Variants in FANCL observed in about 807,000 individuals in gnomAD.
FANCL encodes the protein E3 ubiquitin-protein ligase FANCL.
Under a neutral mutation model 59.4 loss-of-function variants are expected in FANCL, and 69 were observed. The observed-to-expected ratio is 1.16, with a 90% confidence interval of 0.96 to 1.42. FANCL has a LOEUF of 1.42. Among genes scored for constraint, FANCL ranks in the 40% most tolerant of loss-of-function variants. The pLI is 0.00. For synonymous variants in FANCL, 180 were observed against 147.1 expected, an observed-to-expected ratio of 1.22 and a Z score of -1.62; for missense variants, 519 against 447.2, an observed-to-expected ratio of 1.16 and a Z score of -1.45.
At chr2:58,239,476 CTG>C (rs1694316849) in intron 1 of FANCL, among the ~76,000 whole-genome samples, 1 of 152,164 alleles carries the variant, frequency 6.6e-6, no homozygotes, top group South Asian at 2.1e-4. Context: ...CACAAACAGA[CTG>C]AGAATTGTTC....
At chr2:58,237,175 C>T (rs954315190) in intron 1 of FANCL, among the ~76,000 whole-genome samples, 1 of 152,196 alleles carries the variant, frequency 6.6e-6, no homozygotes, top group Admixed American at 6.5e-5. Flanking sequence ...TAGTCATTCT[C>T]TTAGAGTACA....
chr2:58,225,955 G>A (rs1462318786), intron 4 of FANCL, among the ~76,000 whole-genome samples: 6 of 151,942 alleles, frequency 3.9e-5, no homozygotes, highest in African/African-American at 1.2e-4. Flanking sequence ...AAACAAAGCA[G>A]CTATAAGAAA....
chr2:58,161,504 A>T lies in FANCL; in HGVS notation c.1020+18T>A, dbSNP rs764629926. ...TGTGTTAGCGGAAAAAAGTCTTGACAATATTTTTATTTTTTACCTCATATA... is the reference window on the plus strand; with the variant it reads ...TGTGTTAGCGGAAAAAAGTCTTGACTATATTTTTATTTTTTACCTCATATA... On this transcript the variant is annotated intron_variant, in intron 12 of 13. Coordinates refer to ENST00000233741, the MANE Select transcript of FANCL (RefSeq NM_018062.4). 2 of 1,479,370 alleles carry T rather than the reference A, an allele frequency of 1.4e-6. No individual in the cohort carries two copies. The highest frequency in any genetic ancestry group is 2.8e-5 in the African/African-American group (2 of 71,778). 91.6% of individuals were successfully genotyped at this position (1,479,370 alleles called of 1,614,324 possible).
rs772235676 is a variant in FANCL, at chr2:58,169,207, G to T, written c.541-3333C>A. On this transcript the variant is annotated intron_variant, in intron 7 of 13. Coordinates refer to ENST00000233741, the MANE Select transcript of FANCL (RefSeq NM_018062.4). The stretch of plus-strand genomic sequence containing the variant: ...TCTGGGACGAAGCTTCCAGAGAAAG[G>T]AACAGGCAGCAAAATCTTTGCTGTT... Among the ~76,000 whole-genome samples the T allele has an allele frequency of 1.3e-3, 199 of 152,250 alleles. 1 individual carries two copies. Among genetic ancestry groups the T allele is most frequent in the Middle Eastern group, 3.4e-3 (1 of 294 alleles).
At chr2:58,212,379 A>C (rs1361202517) in intron 5 of FANCL, among the ~76,000 whole-genome samples, 1 of 152,160 alleles carries the variant, frequency 6.6e-6, no homozygotes, top group African/African-American at 2.4e-5. Flanking sequence ...AACACATGGG[A>C]ATTGTGGGAG....
At chr2:58,205,447 A>C (rs958845343) in intron 5 of FANCL, among the ~76,000 whole-genome samples, 12 of 151,876 alleles carry the variant, frequency 7.9e-5, no homozygotes, top group African/African-American at 2.9e-4. Context: ...CTTCACCTCC[A>C]AAAAAAATTA....
chr2:58,201,516 C>A (rs1690023017), intron 6 of FANCL, among the ~76,000 whole-genome samples: 1 of 151,912 alleles, frequency 6.6e-6, no homozygotes, highest in African/African-American at 2.4e-5. Context: ...GGCTGATCCC[C>A]AAGTAAATAC....
chr2:58,227,931 G>GA (rs368922000), intron 3 of FANCL, among the ~76,000 whole-genome samples: 3 of 150,202 alleles, frequency 2.0e-5, no homozygotes, highest in East Asian at 1.9e-4. Flanking sequence ...AGGAGGAAGA[G>GA]AAAAAAAAAG....
At chr2:58,225,883 T>C (rs868244301) in intron 4 of FANCL, among the ~76,000 whole-genome samples, 1 of 152,088 alleles carries the variant, frequency 6.6e-6, no homozygotes, top group East Asian at 1.9e-4. Context: ...ATAAGTCTTA[T>C]ATAAGGCTTA....
intron 7 of FANCL, among the ~76,000 whole-genome samples, chr2:58,168,879 T>G (rs1447830076): frequency 6.6e-6 from 1 of 152,128 alleles, no homozygotes; most frequent in Non-Finnish European, 1.5e-5. Context: ...AAAGCCTCTG[T>G]AGCCAGACTG....
intron 4 of FANCL, among the ~76,000 whole-genome samples, chr2:58,225,789 A>C (rs1009224155): frequency 4.6e-5 from 7 of 152,036 alleles, no homozygotes; most frequent in Non-Finnish European, 7.4e-5. Flanking sequence ...TAGGACACCT[A>C]ATTTGTTTTA....
intron 1 of FANCL, among the ~76,000 whole-genome samples, chr2:58,233,759 T>A (rs1693780586): frequency 6.6e-6 from 1 of 151,696 alleles, no homozygotes; most frequent in Non-Finnish European, 1.5e-5. Context: ...AGTAACAAGC[T>A]CTGGTAAATC....
intron 6 of FANCL, among the ~76,000 whole-genome samples, chr2:58,201,353 C>T (rs1186132039): frequency 6.6e-6 from 1 of 151,374 alleles, no homozygotes; most frequent in Admixed American, 6.6e-5. Context: ...ATCTCATTTG[C>T]AGAAAATCAA....
chr2:58,194,062 A>C (rs2105065669), intron 7 of FANCL, among the ~76,000 whole-genome samples: 1 of 152,264 alleles, frequency 6.6e-6, no homozygotes, highest in African/African-American at 2.4e-5. Context: ...CAGAGGCTTT[A>C]TCATTAGTTT....
intron 5 of FANCL, among the ~76,000 whole-genome samples, chr2:58,210,465 C>T (rs1691028311): frequency 6.6e-6 from 1 of 152,174 alleles, no homozygotes; most frequent in South Asian, 2.1e-4. Flanking sequence ...CAAGATGAGA[C>T]TTGGGTAGGG....
intron 5 of FANCL, among the ~76,000 whole-genome samples, chr2:58,220,660 T>A (rs926451006): frequency 2.6e-5 from 4 of 152,224 alleles, no homozygotes; most frequent in Non-Finnish European, 5.9e-5. Flanking sequence ...ACTTAAGATA[T>A]GTTCCTTGTT....
At position 58,179,743 on chromosome 2, in the gene FANCL, C is replaced by A. The variant is rs531576013; in HGVS notation, c.541-13869G>T. Among the ~76,000 whole-genome samples, 15 of 152,228 alleles carry A rather than the reference C, an allele frequency of 9.9e-5. No individual in the cohort carries two copies. The East Asian group carries it at 2.3e-3, about 23-fold the overall frequency. On this transcript the variant is annotated intron_variant, in intron 7 of 13. Transcript: ENST00000233741. ...AACTGACAAATGGGATCTAATTAAA[C>A]TAAAGAGCTCCTTCACAGCAAAAGA...
In FANCL at chr2:58,196,463, A is replaced by G. The variant is rs144711392; in HGVS notation, c.540+2131T>C. ...TTAAGAATTTATAACACTCATTACTACGAATTCTACATTTTCTTAGAGTTA... is the reference window on the plus strand; with the variant it reads ...TTAAGAATTTATAACACTCATTACTGCGAATTCTACATTTTCTTAGAGTTA... On this transcript the variant is annotated intron_variant, in intron 7 of 13. Coordinates refer to ENST00000233741, the MANE Select transcript of FANCL (RefSeq NM_018062.4). Among the ~76,000 whole-genome samples, 634 of 152,116 alleles carry G rather than the reference A, an allele frequency of 4.2e-3. 7 individuals carry two copies. Among genetic ancestry groups the G allele is most frequent in the African/African-American group, 0.014 (594 of 41,540 alleles).
chr2:58,172,556 G>C (rs1686766914), intron 7 of FANCL, among the ~76,000 whole-genome samples: 1 of 152,182 alleles, frequency 6.6e-6, no homozygotes, highest in African/African-American at 2.4e-5. Context: ...TTAACAGAGG[G>C]TCTGTTTGTT....
Sources: gnomAD v4.1 joint callset for allele counts (sites outside exome capture counted in the v4.1 genomes callset) on GRCh38, gnomAD v4.1.1 for gene constraint, MANE v1.5 for transcripts, NCBI Gene and HGNC (gene_info 2026-07-23, HGNC 2026-07-21) for gene names.